Variants in KHDRBS3 observed in about 807,000 individuals in gnomAD.
KHDRBS3 encodes KH RNA binding domain containing, signal transduction associated 3.
In KHDRBS3, 23 loss-of-function variants were observed where a neutral mutation model predicts 45.6. That is an observed-to-expected ratio of 0.50 (90% confidence interval 0.36 to 0.72). The LOEUF is 0.72. Ranked by LOEUF, KHDRBS3 falls within the 30% of genes least tolerant of loss-of-function variation. The pLI is 0.00. For missense variants in KHDRBS3, 352 were observed against 424.8 expected, an observed-to-expected ratio of 0.83 and a Z score of 1.51; for synonymous variants, 162 against 156.5, an observed-to-expected ratio of 1.04 and a Z score of -0.26.
chr8:135,628,486 G>A (rs548762787), intron 7 of KHDRBS3, among the ~76,000 whole-genome samples: 1 of 152,294 alleles, frequency 6.6e-6, no homozygotes, highest in East Asian at 1.9e-4. Flanking sequence ...TTATGAAATA[G>A]ACATAAGAGC....
chr8:135,535,634 T>G (rs1233427529), intron 2 of KHDRBS3, among the ~76,000 whole-genome samples: 1 of 152,092 alleles, frequency 6.6e-6, no homozygotes, highest in East Asian at 1.9e-4. Context: ...ATAAGAAATT[T>G]TCTTTTTTTA....
Position 135,532,536 on chromosome 8 carries a change from G to A in KHDRBS3, c.208-10118G>A, listed in dbSNP as rs181121690. Among the ~76,000 whole-genome samples the A allele has an allele frequency of 4.0e-3, 614 of 152,306 alleles. 3 individuals are homozygous for A. Among genetic ancestry groups the A allele is most frequent in the Non-Finnish European group, 6.2e-3 (424 of 67,998 alleles). On this transcript the variant is annotated intron_variant, in intron 2 of 8. Coordinates refer to ENST00000355849, the MANE Select transcript of KHDRBS3 (RefSeq NM_006558.3). ...AAAATACAGTAGAACTTCTATTTATGTGTAGACTTCTGTTATGTGTGTGTA... is the reference window on the plus strand; with the variant it reads ...AAAATACAGTAGAACTTCTATTTATATGTAGACTTCTGTTATGTGTGTGTA...
intron 7 of KHDRBS3, among the ~76,000 whole-genome samples, chr8:135,621,218 C>A (rs528794163): frequency 5.3e-5 from 8 of 152,000 alleles, no homozygotes; most frequent in African/African-American, 1.9e-4. Flanking sequence ...ACTATAAATT[C>A]TTTAAACTCT....
At position 135,457,691 on chromosome 8, in the gene KHDRBS3, C is replaced by A. The variant is rs11550913; in HGVS notation, c.-176C>A. The A allele has an allele frequency of 6.5e-6, 1 of 153,296 alleles. No individual in the cohort carries two copies. Among genetic ancestry groups the A allele is most frequent in the South Asian group, 1.8e-4 (1 of 5,568 alleles). The allele number at this position is 153,296 out of a possible 1,614,324, so 9.5% of individuals were successfully genotyped here. On this transcript the variant is annotated 5_prime_UTR_variant, in exon 1 of 9. Transcript: ENST00000355849. The surrounding 1 kb of genome is among the most constrained non-coding windows in gnomAD (Gnocchi z 4.4). ...CCACCGGGGATCGGGGCTGAGCGGTCGGTTCCCGCCCCCGTGCCGCCGCCG... is the reference window on the plus strand; with the variant it reads ...CCACCGGGGATCGGGGCTGAGCGGTAGGTTCCCGCCCCCGTGCCGCCGCCG...
intron 1 of KHDRBS3, among the ~76,000 whole-genome samples, chr8:135,485,014 T>A (rs1822775639): frequency 6.6e-6 from 1 of 152,202 alleles, no homozygotes; most frequent in African/African-American, 2.4e-5. Context: ...TTGACCAGGA[T>A]GTGTACAGTG....
rs192309462 is a variant in KHDRBS3 at position 135,520,699 on chromosome 8, G to A, written c.89-538G>A. Among the ~76,000 whole-genome samples, 14 of 152,270 alleles carry A rather than the reference G, an allele frequency of 9.2e-5. No homozygotes were observed. The East Asian group carries it at 2.1e-3, about 23-fold the overall frequency. ...ATGAAATCATCATAACAAGTAGAGC[G>A]AAGAGCATTAGTAAAGACATTAGCA... On this transcript the variant is annotated intron_variant, in intron 1 of 8. Coordinates refer to ENST00000355849, the MANE Select transcript of KHDRBS3 (RefSeq NM_006558.3).
At chr8:135,621,165 A>G (rs938536826) in intron 7 of KHDRBS3, among the ~76,000 whole-genome samples, 6 of 151,872 alleles carry the variant, frequency 4.0e-5, no homozygotes, top group Admixed American at 3.9e-4. Context: ...TGCCAAGAAA[A>G]TCACCTGTTA....
intron 6 of KHDRBS3, among the ~76,000 whole-genome samples, chr8:135,599,837 C>T (rs1014124841): frequency 2.6e-5 from 4 of 152,222 alleles, no homozygotes; most frequent in African/African-American, 9.6e-5. Flanking sequence ...ACAGCCTGTG[C>T]GGAGGAATTG....
At chr8:135,623,453 T>A (rs958973173) in intron 7 of KHDRBS3, among the ~76,000 whole-genome samples, 19 of 152,188 alleles carry the variant, frequency 1.2e-4, no homozygotes, top group African/African-American at 4.1e-4. Context: ...AAATTAATGT[T>A]CACCTTCCTG....
chr8:135,581,104 T>C lies in KHDRBS3; in HGVS notation c.612-774T>C, dbSNP rs535835020. Among the ~76,000 whole-genome samples the C allele has an allele frequency of 3.9e-5, 6 of 152,342 alleles. No homozygotes were observed. The East Asian group carries it at 1.2e-3, about 29-fold the overall frequency. On this transcript the variant is annotated intron_variant, in intron 5 of 8. Coordinates refer to ENST00000355849, the MANE Select transcript of KHDRBS3 (RefSeq NM_006558.3). ...ACTGAAGAAGGAGGAAGCTGATCTG[T>C]AGGCAGCCAGCCTGCCAGCTGCAGT...
chr8:135,560,488 G>A (rs756749864), intron 5 of KHDRBS3, among the ~76,000 whole-genome samples: 4 of 152,010 alleles, frequency 2.6e-5, no homozygotes, highest in Non-Finnish European at 5.9e-5. Context: ...GAGCACATCC[G>A]CTGCTGTTGT....
chr8:135,527,894 T>C (rs1825274171), intron 2 of KHDRBS3, among the ~76,000 whole-genome samples: 1 of 152,226 alleles, frequency 6.6e-6, no homozygotes, highest in Non-Finnish European at 1.5e-5. Context: ...CTTTACACGT[T>C]TCTGTACATG....
chr8:135,654,979 T>C (rs1397003998), intron 4 of KHDRBS3, among the ~76,000 whole-genome samples: 6 of 152,236 alleles, frequency 3.9e-5, no homozygotes, highest in African/African-American at 1.2e-4. Context: ...GATTGGCAGA[T>C]GTCTCATTCT....
chr8:135,576,600 T>G (rs1343361378), intron 5 of KHDRBS3, among the ~76,000 whole-genome samples: 1 of 152,150 alleles, frequency 6.6e-6, no homozygotes, highest in Non-Finnish European at 1.5e-5. Context: ...TTTTAACACT[T>G]TCTTACTTTC....
intron 5 of KHDRBS3, among the ~76,000 whole-genome samples, chr8:135,576,282 A>G (rs1586745899): frequency 6.6e-6 from 1 of 152,324 alleles, no homozygotes; most frequent in Non-Finnish European, 1.5e-5. Context: ...CTTTAAAAGG[A>G]AGTCACTATG....
chr8:135,530,213 T>G (rs1563746487), intron 2 of KHDRBS3, among the ~76,000 whole-genome samples: 1 of 152,226 alleles, frequency 6.6e-6, no homozygotes, highest in Non-Finnish European at 1.5e-5. Flanking sequence ...GGTTTAGCAA[T>G]ATACTGCTGG....
At chr8:135,543,414 C>T (rs528401713) in intron 3 of KHDRBS3, among the ~76,000 whole-genome samples, 1 of 152,176 alleles carries the variant, frequency 6.6e-6, no homozygotes, top group Non-Finnish European at 1.5e-5. Flanking sequence ...TCTAAAGACA[C>T]GTGTTGTTTT....
At chr8:135,508,601 A>C (rs1340198021) in intron 1 of KHDRBS3, among the ~76,000 whole-genome samples, 1 of 152,168 alleles carries the variant, frequency 6.6e-6, no homozygotes, top group African/African-American at 2.4e-5. Flanking sequence ...ATAGGTGTAA[A>C]TAAAAATGTA....
chr8:135,566,583 C>T (rs1470525395), intron 5 of KHDRBS3, among the ~76,000 whole-genome samples: 2 of 152,072 alleles, frequency 1.3e-5, no homozygotes, highest in Non-Finnish European at 2.9e-5. Flanking sequence ...GGCTGGGCAC[C>T]ATGACTCAGA....
Sources: allele counts gnomAD v4.1 joint callset (sites outside exome capture counted in the v4.1 genomes callset), GRCh38; gene constraint gnomAD v4.1.1; non-coding constraint Gnocchi (gnomAD v3.1); transcripts MANE v1.5; gene names NCBI Gene and HGNC (gene_info 2026-07-23, HGNC 2026-07-21).